CALCR: variants seen among roughly 807,000 people sequenced by gnomAD.
The protein encoded by CALCR is calcitonin receptor.
A neutral mutation model predicts 59.5 loss-of-function variants in CALCR; 47 were observed. That is an observed-to-expected ratio of 0.79 (90% CI 0.63 to 1.01). CALCR has a LOEUF of 1.01. Ranked by LOEUF, CALCR falls within the 50% of genes least tolerant of loss-of-function variation. The probability of loss-of-function intolerance (pLI) is 0.00; values close to 1 mark genes in which losing one functional copy is unlikely to be tolerated. For synonymous variants in CALCR, 213 were observed against 211.3 expected, an observed-to-expected ratio of 1.01 and a Z score of -0.07; for missense variants, 566 against 597.1, an observed-to-expected ratio of 0.95 and a Z score of 0.54.
intron 9 of CALCR, among the ~76,000 whole-genome samples, chr7:93,440,153 C>A (rs949801812): frequency 1.3e-5 from 2 of 151,902 alleles, no homozygotes; most frequent in African/African-American, 4.8e-5. Flanking sequence ...TACAACTGGG[C>A]TTTTTTGGGC....
chr7:93,536,668 T>C (rs1788998454), intron 2 of CALCR, among the ~76,000 whole-genome samples: 2 of 151,882 alleles, frequency 1.3e-5, no homozygotes, highest in South Asian at 4.1e-4. Flanking sequence ...TAGCATTAGG[T>C]ATATCTCCTA....
intron 7 of CALCR, among the ~76,000 whole-genome samples, chr7:93,463,618 G>T (rs1045683154): frequency 2.0e-5 from 3 of 151,910 alleles, no homozygotes; most frequent in Admixed American, 2.0e-4. Context: ...ACAAACAGGC[G>T]CTCTTGCCTT....
intron 2 of CALCR, among the ~76,000 whole-genome samples, chr7:93,536,279 T>C (rs1391575408): frequency 6.6e-6 from 1 of 151,806 alleles, no homozygotes; most frequent in South Asian, 2.1e-4. Flanking sequence ...GTGAATGGCA[T>C]ACTTTGTCAC....
At chr7:93,445,383 G>C (rs1371154545) in intron 8 of CALCR, among the ~76,000 whole-genome samples, 1 of 152,034 alleles carries the variant, frequency 6.6e-6, no homozygotes, top group Non-Finnish European at 1.5e-5. Flanking sequence ...ATTCTTTCTG[G>C]ATCCAGAAAT....
intron 9 of CALCR, among the ~76,000 whole-genome samples, chr7:93,439,585 G>A (rs78901632): frequency 0.016 from 2,385 of 151,838 alleles, 20 homozygotes; most frequent in South Asian, 0.033. Context: ...CTCCTTTTAG[G>A]TAGTTTGCTT....
intron 3 of CALCR, among the ~76,000 whole-genome samples, chr7:93,482,515 T>A: frequency 6.6e-6 from 1 of 151,850 alleles, no homozygotes; most frequent in Non-Finnish European, 1.5e-5. Context: ...TCTGGCTTTC[T>A]TCCCAAAAGT....
intron 7 of CALCR, among the ~76,000 whole-genome samples, chr7:93,461,739 T>C (rs1020087528): frequency 6.6e-6 from 1 of 152,186 alleles, no homozygotes; most frequent in Non-Finnish European, 1.5e-5. Context: ...TGTACATATG[T>C]GTTGGTGTGA....
intron 2 of CALCR, among the ~76,000 whole-genome samples, chr7:93,539,509 A>T (rs1789075106): frequency 6.6e-6 from 1 of 152,044 alleles, no homozygotes; most frequent in Admixed American, 6.6e-5. Flanking sequence ...TTCCTCTGAA[A>T]TCAGTGACTC....
intron 13 of CALCR, among the ~76,000 whole-genome samples, chr7:93,428,397 C>T (rs1584528761): frequency 6.6e-6 from 1 of 152,264 alleles, no homozygotes; most frequent in South Asian, 2.1e-4. Flanking sequence ...GTACTATTAC[C>T]GTAGCTTTAA....
chr7:93,515,003 C>T (rs1801620389), intron 2 of CALCR, among the ~76,000 whole-genome samples: 1 of 152,010 alleles, frequency 6.6e-6, no homozygotes, highest in Non-Finnish European at 1.5e-5. Context: ...CCAGCAACAT[C>T]TATGTCCTTT....
At chr7:93,454,521 T>C (rs1800169124) in intron 8 of CALCR, among the ~76,000 whole-genome samples, 1 of 151,968 alleles carries the variant, frequency 6.6e-6, no homozygotes, top group African/African-American at 2.4e-5. Context: ...AAATGACAAG[T>C]ATCCTGCTAG....
At chr7:93,486,882 ATTCAGCATTC>A in intron 3 of CALCR, 39 bp downstream of exon 3, 3 of 1,100,072 alleles carry the variant, frequency 2.7e-6, no homozygotes, top group Non-Finnish European at 4.2e-6. Context: ...ATTCCTCCTT[ATTCAGCATTC>A]TTCATTAGCA....
At chr7:93,495,354 AC>A (rs914639135) in intron 2 of CALCR, among the ~76,000 whole-genome samples, 3 of 151,392 alleles carry the variant, frequency 2.0e-5, no homozygotes, top group Non-Finnish European at 4.4e-5. Flanking sequence ...CACTCTTGCA[AC>A]CCAAGAACCT....
chr7:93,532,811 A>T (rs189695662), intron 2 of CALCR, among the ~76,000 whole-genome samples: 44 of 141,096 alleles, frequency 3.1e-4, no homozygotes, highest in Middle Eastern at 3.7e-3. Flanking sequence ...TACCTCATAT[A>T]ATAGCCTTGA....
At chr7:93,447,581 A>G (rs1376083958) in intron 8 of CALCR, among the ~76,000 whole-genome samples, 1 of 151,926 alleles carries the variant, frequency 6.6e-6, no homozygotes, top group Non-Finnish European at 1.5e-5. Flanking sequence ...AATAGAAAGG[A>G]GACCAGAGCT....
At chr7:93,473,494 A>G (rs1800599651) in intron 5 of CALCR, among the ~76,000 whole-genome samples, 1 of 151,554 alleles carries the variant, frequency 6.6e-6, no homozygotes, top group Non-Finnish European at 1.5e-5. Flanking sequence ...TATTGTTAAG[A>G]TGCAGATGTA....
At chr7:93,435,819 T>A (rs1389000848) in intron 12 of CALCR, 133 bp downstream of exon 12, 229 of 250,984 alleles carry the variant, frequency 9.1e-4, no homozygotes, top group Middle Eastern at 2.2e-3. Flanking sequence ...AAAAATAAAA[T>A]AAAATAATAA....
At chr7:93,550,488 CAAAAAAA>C (rs11287815) in intron 2 of CALCR, among the ~76,000 whole-genome samples, 1 of 26,572 alleles carries the variant, frequency 3.8e-5, no homozygotes, top group Non-Finnish European at 6.4e-5. Flanking sequence ...AACTCCGTCT[CAAAAAAA>C]AAAAAAAAAA....
chr7:93,562,780 A>C (rs1789777910), intron 2 of CALCR, among the ~76,000 whole-genome samples: 1 of 152,198 alleles, frequency 6.6e-6, no homozygotes, highest in African/African-American at 2.4e-5. Context: ...GAATATCCTA[A>C]CAATTTTCTA....
Sources: gnomAD v4.1 joint callset for allele counts (sites outside exome capture counted in the v4.1 genomes callset) on GRCh38, gnomAD v4.1.1 for gene constraint, MANE v1.5 for transcripts, NCBI Gene and HGNC (gene_info 2026-07-23, HGNC 2026-07-21) for gene names.